VAPA: variants seen among roughly 807,000 people sequenced by gnomAD.
The protein encoded by VAPA is vesicle-associated membrane protein-associated protein A.
VAPA carries 6 observed loss-of-function variants against 25.6 expected under a neutral mutation model. The observed-to-expected ratio is 0.23, with a 90% CI of 0.13 to 0.46. VAPA has a LOEUF of 0.46. VAPA is among the 20% of genes least tolerant of loss of function. The probability of loss-of-function intolerance (pLI) is 0.99; values close to 1 mark genes in which losing one functional copy is unlikely to be tolerated. For synonymous variants in VAPA, 112 were observed against 106.2 expected (o/e 1.05, Z -0.34); for missense variants, 244 against 302.1 (o/e 0.81, Z 1.43).
chr18:9,923,211 C>G (rs1420529535), intron 1 of VAPA, among the ~76,000 whole-genome samples: 1 of 152,076 alleles, frequency 6.6e-6, no homozygotes, highest in Non-Finnish European at 1.5e-5. Flanking sequence ...TCTGAAAATT[C>G]AGATTTAAAG....
intron 4 of VAPA, among the ~76,000 whole-genome samples, chr18:9,943,667 T>C (rs903090472): frequency 9.2e-5 from 14 of 152,106 alleles, no homozygotes; most frequent in Non-Finnish European, 1.9e-4. Flanking sequence ...GTAGTGGTTA[T>C]TTTTTAAGGA....
intron 1 of VAPA, among the ~76,000 whole-genome samples, chr18:9,925,646 G>GA (rs779536338): frequency 6.6e-6 from 1 of 151,742 alleles, no homozygotes; most frequent in African/African-American, 2.4e-5. Context: ...AAATGTGTTT[G>GA]AAAAAAACAT....
At chr18:9,941,395 T>C (rs1452931089) in intron 4 of VAPA, among the ~76,000 whole-genome samples, 3 of 152,166 alleles carry the variant, frequency 2.0e-5, no homozygotes, top group Non-Finnish European at 4.4e-5. Context: ...TATGAAATCT[T>C]AAGGTACCAA....
chr18:9,928,640 G>A (rs981922855), intron 1 of VAPA, among the ~76,000 whole-genome samples: 1 of 152,036 alleles, frequency 6.6e-6, no homozygotes, highest in Non-Finnish European at 1.5e-5. Context: ...GAAATGAAAT[G>A]CATATATAAA....
At chr18:9,937,857 A>G (rs181539936) in intron 4 of VAPA, among the ~76,000 whole-genome samples, 6 of 152,312 alleles carry the variant, frequency 3.9e-5, no homozygotes, top group African/African-American at 1.4e-4. Flanking sequence ...CATTTGCTCT[A>G]TTGAAAAGTA....
intron 2 of VAPA, among the ~76,000 whole-genome samples, chr18:9,932,734 T>A (rs1482328181): frequency 1.3e-5 from 2 of 152,208 alleles, no homozygotes; most frequent in Non-Finnish European, 2.9e-5. Flanking sequence ...ACTCCCACTA[T>A]ATGCTGTAAT....
At chr18:9,946,787 A>G (rs78289310) in intron 4 of VAPA, among the ~76,000 whole-genome samples, 3,655 of 152,252 alleles carry the variant, frequency 0.024, 55 homozygotes, top group Middle Eastern at 0.071. Context: ...CACTTAGGCT[A>G]CATTTATTAA....
intron 4 of VAPA, chr18:9,950,126 C>G (rs2069472766): frequency 3.0e-6 from 1 of 332,886 alleles, no homozygotes; most frequent in Non-Finnish European, 5.5e-6. Context: ...GGCTCTTGCT[C>G]TCTCAGCCTT....
intron 1 of VAPA, among the ~76,000 whole-genome samples, chr18:9,922,381 A>G (rs572458054): frequency 3.3e-5 from 5 of 152,336 alleles, no homozygotes; most frequent in African/African-American, 1.2e-4. Flanking sequence ...TAATCATGAT[A>G]CTGTTAACAC....
At chr18:9,953,588 A>G (rs1720482641) in intron 5 of VAPA, among the ~76,000 whole-genome samples, 1 of 152,156 alleles carries the variant, frequency 6.6e-6, no homozygotes, top group African/African-American at 2.4e-5. Context: ...CCCAAATGGC[A>G]GACTACAGGT....
At chr18:9,937,131 CTTTTA>C in intron 4 of VAPA, 65 bp downstream of exon 4, 2 of 1,403,442 alleles carry the variant, frequency 1.4e-6, no homozygotes, top group Non-Finnish European at 2.0e-6. Context: ...ATTAATTTTG[CTTTTA>C]TTTTTGACCT....
intron 4 of VAPA, among the ~76,000 whole-genome samples, chr18:9,943,900 A>C (rs1418502065): frequency 1.9e-5 from 2 of 105,884 alleles, no homozygotes; most frequent in Admixed American, 1.5e-4. Flanking sequence ...TCGCTCTGTC[A>C]CCCAGGCTGG....
Position 9,952,018 on chromosome 18 carries a change from C to A in VAPA, c.591+1450C>A, listed in dbSNP as rs562162208. On this transcript the variant is annotated intron_variant, in intron 5 of 5. Transcript: ENST00000400000. The stretch of plus-strand genomic sequence containing the variant: ...CTTTTACTTCATCTGCCATGACTTC[C>A]ATAGTTCTGTTCTTTGATAAAGATG... Among the ~76,000 whole-genome samples the A allele has an allele frequency of 9.9e-4, 151 of 152,304 alleles. 2 individuals are homozygous for A. The highest frequency in any genetic ancestry group is 6.8e-3 in the Middle Eastern group (2 of 294).
Position 9,956,156 on chromosome 18 carries a change from T to A in VAPA, c.*1945T>A, listed in dbSNP as rs1391044290. 1 of 152,144 alleles carries A rather than the reference T, an allele frequency of 6.6e-6. No homozygotes were observed. Among genetic ancestry groups the A allele is most frequent in the Non-Finnish European group, 1.5e-5 (1 of 68,020 alleles). 9.4% of individuals were successfully genotyped at this position (152,144 alleles called of 1,614,324 possible). ...GCCCCTTTGTTCTATGGTTGAGAAA[T>A]CTGAGGCCTTACGAAGGTTAAGAGA... On this transcript the variant is annotated 3_prime_UTR_variant, in exon 6 of 6. Transcript: ENST00000400000.
At chr18:9,940,652 G>C (rs554963852) in intron 4 of VAPA, among the ~76,000 whole-genome samples, 14 of 152,296 alleles carry the variant, frequency 9.2e-5, no homozygotes, top group African/African-American at 3.4e-4. Flanking sequence ...TACTGATCCT[G>C]AGAAGAATGG....
intron 4 of VAPA, among the ~76,000 whole-genome samples, chr18:9,939,475 G>A (rs933094186): frequency 7.9e-5 from 12 of 151,172 alleles, no homozygotes; most frequent in African/African-American, 2.9e-4. Context: ...ACTTCTATTG[G>A]ATGATACGTT....
Position 9,944,783 on chromosome 18 carries a change from T to C in VAPA, c.418-5612T>C. The C allele has an allele frequency of 9.5e-6, 10 of 1,047,876 alleles. 1 individual carries two copies. In the South Asian group the frequency reaches 1.5e-4, roughly 16 times the overall value. 64.9% of individuals were successfully genotyped at this position (1,047,876 alleles called of 1,614,324 possible). A position where few individuals can be genotyped will look rare whatever the true frequency, so the allele number is the denominator to read the frequency against. On this transcript the variant is annotated intron_variant, in intron 4 of 5. Coordinates refer to ENST00000400000, the MANE Select transcript of VAPA (RefSeq NM_194434.3). ...TGCTTTAACATAGCTATTATTAGTATTGTTTCTTATGCATTAATGCATTTT... is the reference window on the plus strand; with the variant it reads ...TGCTTTAACATAGCTATTATTAGTACTGTTTCTTATGCATTAATGCATTTT...
chr18:9,953,257 T>A (rs1302640561), intron 5 of VAPA, among the ~76,000 whole-genome samples: 3 of 152,156 alleles, frequency 2.0e-5, no homozygotes, highest in Non-Finnish European at 4.4e-5. Context: ...AGGATCTAAG[T>A]CATTTTGACA....
At position 9,956,366 on chromosome 18, in the gene VAPA, A is replaced by G. The variant is rs893427360; in HGVS notation, c.*2155A>G. The stretch of plus-strand genomic sequence containing the variant: ...ATGTGAAATTTCTTATTGTAAGACT[A>G]CTACCGGCTTACTGTTGAATAGTTT... On this transcript the variant is annotated 3_prime_UTR_variant, in exon 6 of 6. Transcript: ENST00000400000. The G allele has an allele frequency of 1.1e-4, 16 of 152,264 alleles. No homozygotes were observed. The highest frequency in any genetic ancestry group is 3.9e-4 in the African/African-American group (16 of 41,474). The allele number at this position is 152,264 out of a possible 1,614,324, so 9.4% of individuals were successfully genotyped here. A position where few individuals can be genotyped will look rare whatever the true frequency, so the allele number is the denominator to read the frequency against.
Sources: allele counts gnomAD v4.1 joint callset (sites outside exome capture counted in the v4.1 genomes callset), GRCh38; gene constraint gnomAD v4.1.1; transcripts MANE v1.5; gene names NCBI Gene and HGNC (gene_info 2026-07-23, HGNC 2026-07-21).